The following MEFV variants were observed in gnomAD, a reference collection of about 807,000 sequenced individuals.
The protein encoded by MEFV is MEFV innate immunity regulator, pyrin.
MEFV carries 60 observed loss-of-function variants against 62.5 expected under a neutral mutation model. The observed-to-expected ratio is 0.96, with a 90% CI of 0.78 to 1.19. The LOEUF (loss-of-function observed/expected upper bound fraction) is 1.19, where lower values mean the gene tolerates loss of function less well. Ranked by LOEUF, MEFV falls within the 50% of genes most tolerant of loss-of-function variation. The pLI, the probability that MEFV is intolerant of heterozygous loss-of-function variation, is 0.00. For synonymous variants in MEFV, 500 were observed against 415.2 expected, an observed-to-expected ratio of 1.20 and a Z score of -2.48; for missense variants, 1,169 against 1,004.5, an observed-to-expected ratio of 1.16 and a Z score of -2.21.
chr16:3,243,952 A>T lies in MEFV; in HGVS notation c.1760-60T>A, dbSNP rs771864501. ...GAGCATTAGCATTAAGAGGGGCTAAATTACACTGTCCTGACAACAAGGAAA... is the reference window on the plus strand; with the variant it reads ...GAGCATTAGCATTAAGAGGGGCTAATTTACACTGTCCTGACAACAAGGAAA... On this transcript the variant is annotated intron_variant, in intron 8 of 9. Coordinates refer to ENST00000219596, the MANE Select transcript of MEFV (RefSeq NM_000243.3). The T allele has an allele frequency of 3.1e-6, 5 of 1,605,806 alleles. No individual in the cohort carries two copies. In the South Asian group the frequency reaches 5.6e-5, roughly 18 times the overall value.
intron 9 of MEFV, 48 bp from the exon 10 acceptor site, chr16:3,243,742 C>T: frequency 6.2e-7 from 1 of 1,611,874 alleles, no homozygotes; most frequent in Non-Finnish European, 8.5e-7. Context: ...GGGCAACATC[C>T]CTACAGGGTT....
chr16:3,243,193 T>C lies in MEFV; in HGVS notation c.2294A>G (p.Lys765Arg). ...ACAGATAGTCAGAGGAGCTGTGTTC[T>C]TCCCTCCATCACGTGTCCCAGGGCT... is the stretch of plus-strand genomic sequence containing the variant. ...IFSPGTRDGG[K>R]NTAPLTICPV... is the part of the protein sequence containing the mutation. Residue 765 changes from lysine to arginine, a missense_variant, in exon 10 of 10, where the codon AAG becomes AGG. Lys to Arg is a conservative substitution (Grantham distance 26). Transcript: ENST00000219596. The C allele has an allele frequency of 6.2e-7, 1 of 1,614,088 alleles. No individual in the cohort carries two copies. The highest frequency in any genetic ancestry group is 8.5e-7 in the Non-Finnish European group (1 of 1,180,028).
intron 7 of MEFV, 23 bp downstream of exon 7, chr16:3,244,450 A>G: frequency 9.3e-6 from 15 of 1,605,294 alleles, no homozygotes; most frequent in Non-Finnish European, 1.3e-5. Context: ...ATGCACCTCC[A>G]ATCTTCTCCC....
At position 3,248,958 on chromosome 16, in the gene MEFV, G is replaced by A. The variant is rs867468372; in HGVS notation, c.1307C>T (p.Ser436Leu). 1 of 1,614,180 alleles carries A rather than the reference G, an allele frequency of 6.2e-7. No individual in the cohort carries two copies. ...QLEHLKKLRK[S>L]GEEQRSYGEE... Reference sequence around the variant, plus strand: ...CCCATAGGATCGCTGCTCCTCCCCTGATTTTCTCAGCTTCTTCAGATGCTC... The same window carrying A: ...CCCATAGGATCGCTGCTCCTCCCCTAATTTTCTCAGCTTCTTCAGATGCTC... Residue 436 changes from serine to leucine, a missense_variant, in exon 4 of 10, where the codon TCA becomes TTA. Transcript: ENST00000219596.
chr16:3,255,271 C>T (rs1439417130), intron 1 of MEFV, among the ~76,000 whole-genome samples: 5 of 151,732 alleles, frequency 3.3e-5, no homozygotes, highest in South Asian at 2.1e-4. Context: ...GAGCTGAGAT[C>T]GGGCCACTGC....
rs587783379 is a variant in MEFV at position 3,254,699 on chromosome 16, G to A, written c.369C>T (p.His123=). ...NKPRSLKTPD[H]PEGNEGNGPR... ...GGCCGTTCCCCTCGTTCCCCTCGGG[G>A]TGGTCTGGAGTCTTCAGGCTCCTGG... Residue 123 remains histidine, a synonymous_variant, in exon 2 of 10, where the codon CAC becomes CAT. Coordinates refer to ENST00000219596, the MANE Select transcript of MEFV (RefSeq NM_000243.3). The A allele has an allele frequency of 6.2e-7, 1 of 1,612,742 alleles. No homozygotes were observed. Among genetic ancestry groups the A allele is most frequent in the Non-Finnish European group, 8.5e-7 (1 of 1,179,990 alleles).
chr16:3,255,572 T>C (rs1013918496), intron 1 of MEFV, among the ~76,000 whole-genome samples: 3 of 151,692 alleles, frequency 2.0e-5, no homozygotes, highest in Non-Finnish European at 1.5e-5. Context: ...GCCTGGCTCA[T>C]TTTTTTGTAT....
Position 3,243,520 on chromosome 16 carries a change from T to A in MEFV, c.1967A>T (p.Glu656Val). The change falls in exon 10 of 10, where the codon GAG becomes GTG. Residue 656 changes from glutamate (E) to valine (V), a missense_variant. Coordinates refer to ENST00000219596, the MANE Select transcript of MEFV (RefSeq NM_000243.3). ...PSFLSGRRYW[E>V]VEVGDKTAWI... ...TGCTGTCTTGTCTCCAACCTCCACC[T>A]CCCAGTAACGGCGGCCAGAGAGGAA... 6.2e-7 allele frequency: 1 copy of A among 1,613,584 alleles called. No individual in the cohort carries two copies. Among genetic ancestry groups the A allele is most frequent in the Non-Finnish European group, 8.5e-7 (1 of 1,179,818 alleles).
chr16:3,254,656 CG>C lies in MEFV; in HGVS notation c.411del (p.Gly138GlufsTer21). 4 of 1,609,638 alleles carry C rather than the reference CG, an allele frequency of 2.5e-6. No homozygotes were observed. Among genetic ancestry groups the C allele is most frequent in the Non-Finnish European group, 3.4e-6 (4 of 1,178,784 alleles). On this transcript the variant is annotated frameshift_variant, in exon 2 of 10. Transcript: ENST00000219596. LOFTEE classifies it high-confidence loss of function. Reference sequence around the variant, plus strand: ...TGGCTGCACCGCAGGCTGGCAGCTCCGCCCCCGTACGGCCGAGGGCCGTTCC... The same window carrying C: ...TGGCTGCACCGCAGGCTGGCAGCTCCCCCCCGTACGGCCGAGGGCCGTTCC... ...NEGNGPRPYG[G>X]GAASLRCSQP...
At chr16:3,248,778 C>A in intron 4 of MEFV, 131 bp downstream of exon 4, 1 of 1,584,486 alleles carries the variant, frequency 6.3e-7, no homozygotes, top group Non-Finnish European at 8.6e-7. Flanking sequence ...CTGCTGGTTA[C>A]CCTCTGTCCC....
chr16:3,244,475 G>C lies in MEFV; in HGVS notation c.1724C>G (p.Ser575Ter), dbSNP rs1958909529. ...AATCTTCTCCCAAGCCCATCTACCT[G>C]AGAAGTACTTTGTGCTCTTCTCCAC... ...EFVEKSTKYF[S>*]ETLRSEMEMF... is the part of the protein sequence containing the mutation. The change falls in exon 7 of 10, where the codon TCA (serine) becomes TGA (stop). Residue 575 changes from serine to a stop codon, truncating the protein, a stop_gained and splice_region_variant. Transcript: ENST00000219596. LOFTEE classifies it high-confidence loss of function. 3.1e-6 allele frequency: 5 copies of C among 1,613,254 alleles called. No homozygotes were observed. In the African/African-American group the frequency reaches 4.0e-5, roughly 13 times the overall value.
intron 2 of MEFV, 142 bp from the exon 3 acceptor site, chr16:3,249,922 C>T: frequency 1.4e-6 from 1 of 723,162 alleles, no homozygotes; most frequent in East Asian, 2.7e-5. Context: ...AGCTTGTCCT[C>T]CCCCGACTTC....
intron 1 of MEFV, among the ~76,000 whole-genome samples, chr16:3,255,303 C>G (rs1959100918): frequency 6.6e-6 from 1 of 152,132 alleles, no homozygotes; most frequent in Admixed American, 6.5e-5. Context: ...AGTGACAGAG[C>G]AAGACTCCAT....
At chr16:3,248,798 G>A (rs1208100666) in intron 4 of MEFV, 111 bp downstream of exon 4, 3 of 1,598,286 alleles carry the variant, frequency 1.9e-6, no homozygotes, top group Non-Finnish European at 2.6e-6. Flanking sequence ...CCTGAGAGGA[G>A]GTGGCCATCC....
chr16:3,243,355 A>G lies in MEFV; in HGVS notation c.2132T>C (p.Ile711Thr). The G allele has an allele frequency of 1.2e-6, 2 of 1,614,186 alleles. No individual in the cohort carries two copies. The highest frequency in any genetic ancestry group is 1.7e-6 in the Non-Finnish European group (2 of 1,180,028). The change falls in exon 10 of 10, where the codon ATA becomes ACA. Residue 711 changes from isoleucine (I) to threonine (T), a missense_variant. Transcript: ENST00000219596. ...GCCCACACGCTTGGGAGGCTCCTTT[A>G]TTAGCAGGCGGGTCGGGGGAACGCT... ...ASSVPPTRLL[I>T]KEPPKRVGIF...
intron 1 of MEFV, 63 bp downstream of exon 1, chr16:3,256,248 C>T: frequency 6.3e-7 from 1 of 1,575,738 alleles, no homozygotes; most frequent in Non-Finnish European, 8.6e-7. Context: ...AGCTCCTGGT[C>T]CCCTTTCCCA....
At position 3,254,581 on chromosome 16, in the gene MEFV, C is replaced by G. The variant is rs759918824; in HGVS notation, c.487G>C (p.Glu163Gln). The stretch of plus-strand genomic sequence containing the variant: ...GCGTCCAGGCCCTCCGAGGCCTTCT[C>G]TCTGCGTTTGCTCAGGGGCTTCCTC... The part of the protein sequence containing the change: ...LSRKPLSKRR[E>Q]KASEGLDAQG... The change falls in exon 2 of 10, where the codon GAG becomes CAG. Residue 163 changes from glutamate to glutamine, a missense_variant. Transcript: ENST00000219596. 1.6e-5 allele frequency: 26 copies of G among 1,588,232 alleles called. No individual in the cohort carries two copies. The highest frequency in any genetic ancestry group is 2.1e-5 in the Non-Finnish European group (25 of 1,170,860).
intron 4 of MEFV, 190 bp from the exon 5 acceptor site, chr16:3,247,436 G>A: frequency 1.7e-6 from 1 of 602,890 alleles, no homozygotes; most frequent in Non-Finnish European, 2.9e-6. Flanking sequence ...CATGGCTGGG[G>A]CTAGCTCTGG....
intron 1 of MEFV, among the ~76,000 whole-genome samples, chr16:3,256,010 A>G (rs1959110502): frequency 6.6e-6 from 1 of 152,142 alleles, no homozygotes; most frequent in Admixed American, 6.5e-5. Flanking sequence ...TTTGTCTGAC[A>G]TGAGTATTAA....
Sources: gnomAD v4.1 joint callset for allele counts (sites outside exome capture counted in the v4.1 genomes callset) on GRCh38, gnomAD v4.1.1 for gene constraint, MANE v1.5 for transcripts, NCBI Gene and HGNC (gene_info 2026-07-23, HGNC 2026-07-21) for gene names.